CMTM7: variants seen among roughly 807,000 people sequenced by gnomAD.
CMTM7 encodes CKLF-like MARVEL transmembrane domain-containing protein 7.
Under a neutral mutation model 19.3 loss-of-function variants are expected in CMTM7, and 7 were observed. The observed-to-expected ratio is 0.36, with a 90% CI of 0.21 to 0.68. CMTM7 has a LOEUF of 0.68. Among genes scored for constraint, CMTM7 ranks in the 30% least tolerant of loss-of-function variants. CMTM7 has a pLI of 0.60. For missense variants in CMTM7, 193 were observed against 232.6 expected, an observed-to-expected ratio of 0.83 and a Z score of 1.11; for synonymous variants, 87 against 99.3, an observed-to-expected ratio of 0.88 and a Z score of 0.74.
At chr3:32,434,688 G>C (rs895976304) in intron 1 of CMTM7, among the ~76,000 whole-genome samples, 1 of 149,940 alleles carries the variant, frequency 6.7e-6, no homozygotes, top group Non-Finnish European at 1.5e-5. Context: ...GCATAGATTT[G>C]ACTGTATAAA....
chr3:32,454,316 G>T lies in CMTM7; in HGVS notation c.*62G>T. Reference sequence around the variant, plus strand: ...AGAGAGGAGGACGTGTACTCCAGGCGAGGCCTCTGGACCTGTGTTCCTGTG... The same window carrying T: ...AGAGAGGAGGACGTGTACTCCAGGCTAGGCCTCTGGACCTGTGTTCCTGTG... On this transcript the variant is annotated 3_prime_UTR_variant, in exon 5 of 5. Coordinates refer to ENST00000334983, the MANE Select transcript of CMTM7 (RefSeq NM_138410.4). The T allele has an allele frequency of 6.2e-7, 1 of 1,600,316 alleles. No individual in the cohort carries two copies. The highest frequency in any genetic ancestry group is 8.6e-7 in the Non-Finnish European group (1 of 1,167,914).
At chr3:32,434,920 A>G (rs1303819458) in intron 1 of CMTM7, among the ~76,000 whole-genome samples, 3 of 152,228 alleles carry the variant, frequency 2.0e-5, no homozygotes, top group African/African-American at 7.2e-5. Flanking sequence ...ACTAGTAATT[A>G]AGGAAATGAA....
intron 1 of CMTM7, among the ~76,000 whole-genome samples, chr3:32,440,457 C>G (rs1021927182): frequency 3.3e-5 from 5 of 151,874 alleles, no homozygotes; most frequent in African/African-American, 1.2e-4. Flanking sequence ...ATAAAATAAT[C>G]TTTTTTCTAA....
In CMTM7 at chr3:32,426,654, G is replaced by A. The variant is rs1011979478; in HGVS notation, c.160-15186G>A. Among the ~76,000 whole-genome samples, 43 of 152,124 alleles carry A rather than the reference G, an allele frequency of 2.8e-4. 1 individual carries two copies. Among genetic ancestry groups the A allele is most frequent in the African/African-American group, 9.4e-4 (39 of 41,506 alleles). ...TGGCTACATAGTATTTTGTCATAAG[G>A]CTAAACTATAATTTATCTAATTAAC... On this transcript the variant is annotated intron_variant, in intron 1 of 4. Transcript: ENST00000334983.
chr3:32,439,399 G>C (rs983713609), intron 1 of CMTM7, among the ~76,000 whole-genome samples: 16 of 152,134 alleles, frequency 1.1e-4, no homozygotes, highest in African/African-American at 3.6e-4. Context: ...TAGAAAATAA[G>C]AGCATTTCAG....
At chr3:32,418,206 T>A (rs1696295190) in intron 1 of CMTM7, among the ~76,000 whole-genome samples, 1 of 152,252 alleles carries the variant, frequency 6.6e-6, no homozygotes, top group South Asian at 2.1e-4. Context: ...ACATAGCCTC[T>A]TTGGTGAAGT....
intron 1 of CMTM7, among the ~76,000 whole-genome samples, chr3:32,398,227 G>A (rs1559399320): frequency 2.0e-5 from 3 of 152,158 alleles, no homozygotes; most frequent in African/African-American, 4.8e-5. Flanking sequence ...TTAATCTTAC[G>A]CTATGTGAAA....
At chr3:32,398,820 C>CA (rs1695956597) in intron 1 of CMTM7, among the ~76,000 whole-genome samples, 1 of 151,682 alleles carries the variant, frequency 6.6e-6, no homozygotes, top group Admixed American at 6.6e-5. Flanking sequence ...CCGGTCTCTA[C>CA]AAAAAAATAC....
At chr3:32,412,786 G>A (rs1696198412) in intron 1 of CMTM7, among the ~76,000 whole-genome samples, 1 of 151,960 alleles carries the variant, frequency 6.6e-6, no homozygotes, top group Non-Finnish European at 1.5e-5. Flanking sequence ...AAAGTTTGCA[G>A]GGCTGTTACC....
chr3:32,410,159 A>G (rs1345755937), intron 1 of CMTM7, among the ~76,000 whole-genome samples: 1 of 152,134 alleles, frequency 6.6e-6, no homozygotes, highest in Non-Finnish European at 1.5e-5. Flanking sequence ...CCCTGCTACC[A>G]TCACTCTATC....
At chr3:32,405,221 G>A (rs1172766873) in intron 1 of CMTM7, among the ~76,000 whole-genome samples, 1 of 152,228 alleles carries the variant, frequency 6.6e-6, no homozygotes, top group Non-Finnish European at 1.5e-5. Context: ...CTGCTCCGTG[G>A]AAACTGTGAG....
At chr3:32,437,424 C>T (rs1400920669) in intron 1 of CMTM7, among the ~76,000 whole-genome samples, 3 of 152,078 alleles carry the variant, frequency 2.0e-5, no homozygotes, top group Non-Finnish European at 4.4e-5. Context: ...TGGTGAAACC[C>T]TGTCTCTACT....
intron 1 of CMTM7, among the ~76,000 whole-genome samples, chr3:32,431,282 G>A (rs868655997): frequency 2.6e-5 from 4 of 152,190 alleles, no homozygotes; most frequent in African/African-American, 2.4e-5. Flanking sequence ...GAAATACCTC[G>A]AAATGCCAGG....
At chr3:32,393,346 G>A (rs1297022493) in intron 1 of CMTM7, among the ~76,000 whole-genome samples, 2 of 152,150 alleles carry the variant, frequency 1.3e-5, no homozygotes, top group Non-Finnish European at 2.9e-5. Flanking sequence ...GTTTGAGCAG[G>A]GCATTTTTTG....
At chr3:32,416,582 G>A (rs185286509) in intron 1 of CMTM7, among the ~76,000 whole-genome samples, 3,341 of 151,070 alleles carry the variant, frequency 0.022, 126 homozygotes, top group African/African-American at 0.076. Context: ...AGTAGAGACG[G>A]GGTTTCGCCT....
At chr3:32,412,891 T>C (rs1272199392) in intron 1 of CMTM7, among the ~76,000 whole-genome samples, 1 of 152,200 alleles carries the variant, frequency 6.6e-6, no homozygotes, top group East Asian at 1.9e-4. Flanking sequence ...GCTTCATAAT[T>C]GCACATAATA....
At chr3:32,439,108 G>A (rs544237495) in intron 1 of CMTM7, among the ~76,000 whole-genome samples, 6 of 152,180 alleles carry the variant, frequency 3.9e-5, no homozygotes, top group Admixed American at 3.3e-4. Flanking sequence ...AAGCCCTGGC[G>A]ATCATGCACA....
At chr3:32,437,094 A>C (rs1696608937) in intron 1 of CMTM7, among the ~76,000 whole-genome samples, 1 of 152,198 alleles carries the variant, frequency 6.6e-6, no homozygotes, top group African/African-American at 2.4e-5. Context: ...AGCTTCCTTC[A>C]TCTCTTGTGA....
chr3:32,406,721 A>G (rs1033297042), intron 1 of CMTM7, among the ~76,000 whole-genome samples: 1 of 152,222 alleles, frequency 6.6e-6, no homozygotes, highest in African/African-American at 2.4e-5. Flanking sequence ...TTCTTGTGCA[A>G]CTGGTTTATT....
Sources: allele counts gnomAD v4.1 joint callset (sites outside exome capture counted in the v4.1 genomes callset), GRCh38; gene constraint gnomAD v4.1.1; transcripts MANE v1.5; gene names NCBI Gene and HGNC (gene_info 2026-07-23, HGNC 2026-07-21).